Variants in IGF2BP2 observed in about 807,000 individuals in gnomAD.
The protein encoded by IGF2BP2 is insulin like growth factor 2 mRNA binding protein 2, also known as insulin-like growth factor 2 mRNA-binding protein 2.
A neutral mutation model predicts 75.8 loss-of-function variants in IGF2BP2; 17 were observed. That is an observed-to-expected ratio of 0.22 (90% CI 0.15 to 0.34). The LOEUF (loss-of-function observed/expected upper bound fraction) is 0.34, where lower values mean the gene tolerates loss of function less well. Among genes scored for constraint, IGF2BP2 ranks in the 10% least tolerant of loss-of-function variants. The pLI is 1.00. For missense variants in IGF2BP2, 516 were observed against 772.4 expected (o/e 0.67, Z 3.93); for synonymous variants, 288 against 295.6 (o/e 0.97, Z 0.26).
intron 7 of IGF2BP2, among the ~76,000 whole-genome samples, chr3:185,681,217 G>C (rs935044347): frequency 5.3e-5 from 8 of 152,116 alleles, no homozygotes; most frequent in African/African-American, 1.9e-4. Context: ...AAAAAGGTTA[G>C]AATAAATTCA....
chr3:185,783,617 G>C (rs909195494), intron 2 of IGF2BP2, among the ~76,000 whole-genome samples: 3 of 152,250 alleles, frequency 2.0e-5, no homozygotes, highest in African/African-American at 4.8e-5. Flanking sequence ...CTACTTCCAA[G>C]ACCTGACTGG....
At chr3:185,801,963 T>C (rs144689924) in intron 2 of IGF2BP2, among the ~76,000 whole-genome samples, 151 of 151,836 alleles carry the variant, frequency 9.9e-4, no homozygotes, top group African/African-American at 3.6e-3. Flanking sequence ...GGGAGTTGAA[T>C]GAGAACACGT....
At chr3:185,649,377 A>T in intron 14 of IGF2BP2, 26 bp downstream of exon 14, 1 of 1,610,840 alleles carries the variant, frequency 6.2e-7, no homozygotes, top group Non-Finnish European at 8.5e-7. Flanking sequence ...GACCCAGGTG[A>T]TGAAGCGAGC....
intron 2 of IGF2BP2, among the ~76,000 whole-genome samples, chr3:185,730,705 C>G (rs1191492213): frequency 6.6e-6 from 1 of 151,994 alleles, no homozygotes; most frequent in South Asian, 2.1e-4. Context: ...AGACACCAGC[C>G]CAGGTGTCTT....
chr3:185,664,063 G>A (rs553096611), intron 10 of IGF2BP2, among the ~76,000 whole-genome samples: 1 of 152,182 alleles, frequency 6.6e-6, no homozygotes, highest in Admixed American at 6.5e-5. Context: ...TCAGTGTTGT[G>A]GACATAGCTT....
chr3:185,811,830 GTCTCTCTCTCTCTCTC>G (rs58208457), intron 2 of IGF2BP2, among the ~76,000 whole-genome samples: 158 of 120,806 alleles, frequency 1.3e-3, no homozygotes, highest in Non-Finnish European at 1.2e-3. Context: ...AGAGTAGGGT[GTCTCTCTCTCTCTCTC>G]TCTCTCTCTC....
chr3:185,788,395 C>T (rs1220721122), intron 2 of IGF2BP2, among the ~76,000 whole-genome samples: 1 of 152,124 alleles, frequency 6.6e-6, no homozygotes, highest in African/African-American at 2.4e-5. Context: ...CCTGTTGTCC[C>T]AGCTACTCAG....
intron 2 of IGF2BP2, among the ~76,000 whole-genome samples, chr3:185,732,515 A>G (rs1293122613): frequency 2.0e-5 from 3 of 152,240 alleles, no homozygotes; most frequent in Non-Finnish European, 4.4e-5. Flanking sequence ...TAAAACTGAG[A>G]TCCAAATCTG....
chr3:185,741,109 G>A (rs142016728), intron 2 of IGF2BP2, among the ~76,000 whole-genome samples: 34 of 152,202 alleles, frequency 2.2e-4, no homozygotes, highest in African/African-American at 7.2e-4. Context: ...TCCTGACCTC[G>A]TGATCCACCA....
intron 2 of IGF2BP2, among the ~76,000 whole-genome samples, chr3:185,814,548 A>C (rs1740348273): frequency 6.6e-6 from 1 of 152,180 alleles, no homozygotes; most frequent in Admixed American, 6.5e-5. Context: ...TTCATTTTTC[A>C]AAGAGAAAGA....
At position 185,658,746 on chromosome 3, in the gene IGF2BP2, A is replaced by G. The variant is rs1179562075; in HGVS notation, c.1201-337T>C. Among the ~76,000 whole-genome samples, 4 of 151,796 alleles carry G rather than the reference A, an allele frequency of 2.6e-5. No homozygotes were observed. The East Asian group carries it at 7.7e-4, about 29-fold the overall frequency. ...CACCCACTGGCACTTGCACCCATACACTCTTAACCTGCCCTCGGGTGGAGA... is the reference window on the plus strand; with the variant it reads ...CACCCACTGGCACTTGCACCCATACGCTCTTAACCTGCCCTCGGGTGGAGA... On this transcript the variant is annotated intron_variant, in intron 10 of 15. Transcript: ENST00000382199.
intron 2 of IGF2BP2, among the ~76,000 whole-genome samples, chr3:185,780,189 G>A (rs942779569): frequency 2.6e-5 from 4 of 152,078 alleles, no homozygotes; most frequent in Non-Finnish European, 4.4e-5. Context: ...ATACATATAC[G>A]CATATGTAAA....
chr3:185,665,498 AG>A (rs1717369720), intron 10 of IGF2BP2, among the ~76,000 whole-genome samples: 1 of 32,646 alleles, frequency 3.1e-5, no homozygotes, highest in East Asian at 4.9e-4. Flanking sequence ...GAGAAGGAGG[AG>A]GAGAAGGAGG....
At chr3:185,669,953 A>G (rs988537293) in intron 10 of IGF2BP2, among the ~76,000 whole-genome samples, 2 of 152,172 alleles carry the variant, frequency 1.3e-5, no homozygotes, top group African/African-American at 4.8e-5. Flanking sequence ...TAGGTCCTGC[A>G]CAGGTGGGCA....
chr3:185,675,523 G>C, intron 8 of IGF2BP2, 92 bp from the exon 9 acceptor site: 1 of 1,445,762 alleles, frequency 6.9e-7, no homozygotes, highest in Non-Finnish European at 9.5e-7. Flanking sequence ...TTTTGGCGGA[G>C]AGAGAGAAGA....
At chr3:185,677,068 T>TATATATATATAGAGAGAGAG in intron 7 of IGF2BP2, among the ~76,000 whole-genome samples, 44 of 35,844 alleles carry the variant, frequency 1.2e-3, no homozygotes, top group African/African-American at 2.5e-3. Flanking sequence ...TATATATATA[T>TATATATATATAGAGAGAGAG]AGAGAGAGAG....
At chr3:185,665,491 AAGGAGGAGG>A (rs1228337044) in intron 10 of IGF2BP2, among the ~76,000 whole-genome samples, 277 of 37,464 alleles carry the variant, frequency 7.4e-3, no homozygotes, top group Non-Finnish European at 9.5e-3. Context: ...GAAGGAGGAG[AAGGAGGAGG>A]AGAAGGAGGA....
intron 2 of IGF2BP2, among the ~76,000 whole-genome samples, chr3:185,716,149 T>C (rs751614279): frequency 6.6e-6 from 1 of 152,000 alleles, no homozygotes. Context: ...GTAGAGGGTA[T>C]GATTGAATAA....
intron 10 of IGF2BP2, among the ~76,000 whole-genome samples, chr3:185,661,497 C>T (rs1716428259): frequency 6.6e-6 from 1 of 151,824 alleles, no homozygotes; most frequent in Non-Finnish European, 1.5e-5. Flanking sequence ...ATTAGCCGGG[C>T]GTGGTGGTGG....
Sources: allele counts gnomAD v4.1 joint callset (sites outside exome capture counted in the v4.1 genomes callset), GRCh38; gene constraint gnomAD v4.1.1; transcripts MANE v1.5; gene names NCBI Gene and HGNC (gene_info 2026-07-23, HGNC 2026-07-21).